Variants in FAM170B observed in about 807,000 individuals in gnomAD.
FAM170B encodes the protein family with sequence similarity 170 member B.
In FAM170B, 4 loss-of-function variants were observed where a neutral mutation model predicts 3.9. The observed-to-expected ratio is 1.01, with a 90% CI of 0.50 to 2.32. The LOEUF is 2.32. FAM170B is among the 30% of genes most tolerant of loss of function. The pLI, the probability that FAM170B is intolerant of heterozygous loss-of-function variation, is 0.02. For missense variants in FAM170B, 417 were observed against 368.6 expected, an observed-to-expected ratio of 1.13 and a Z score of -1.07; for synonymous variants, 163 against 149.8, an observed-to-expected ratio of 1.09 and a Z score of -0.64.
Position 49,132,012 on chromosome 10 carries a change from G to A in FAM170B, c.453C>T (p.Gly151=). The part of the protein sequence containing the change: ...AQFIKRQRWN[G]SSFEMASNTD... ...TGTTGGAAGCCATTTCGAAGGAGGAGCCGTTCCACCTCTGCCTCTTGATGA... is the reference window on the plus strand; with the variant it reads ...TGTTGGAAGCCATTTCGAAGGAGGAACCGTTCCACCTCTGCCTCTTGATGA... Residue 151 remains glycine (G), a synonymous_variant, in exon 2 of 2, where the codon GGC becomes GGT. Coordinates refer to ENST00000311787, the MANE Select transcript of FAM170B (RefSeq NM_001164484.2). 6.4e-7 allele frequency: 1 copy of A among 1,551,762 alleles called. No homozygotes were observed. Among genetic ancestry groups the A allele is most frequent in the Non-Finnish European group, 8.7e-7 (1 of 1,147,006 alleles).
At position 49,133,990 on chromosome 10, in the gene FAM170B, G is replaced by A. The variant is rs1163605020; in HGVS notation, c.-72C>T. 15 of 1,233,646 alleles carry A rather than the reference G, an allele frequency of 1.2e-5. No homozygotes were observed. The highest frequency in any genetic ancestry group is 3.0e-5 in the African/African-American group (2 of 67,162). The allele number at this position is 1,233,646 out of a possible 1,614,324, so 76.4% of individuals were successfully genotyped here. ...AGAGTTGGCTGGGGCTGTACTGAAG[G>A]CCTCCAGCTGGCCCCAGCCAGAGTG... On this transcript the variant is annotated 5_prime_UTR_variant, in exon 1 of 2. Transcript: ENST00000311787.
Position 49,132,115 on chromosome 10 carries a change from C to T in FAM170B, c.350G>A (p.Arg117Gln), listed in dbSNP as rs770904612. ...CGTCTCCCAGGCCACAGCCACACCC[C>T]GCACAGTCTGCACGTGCGTGTAGAA... Reference protein sequence around the residue: ...CAFYTHVQTVRGVAVAWETEA... With the variant: ...CAFYTHVQTVQGVAVAWETEA... The change falls in exon 2 of 2, where the codon CGG (arginine) becomes CAG (glutamine). Residue 117 changes from arginine to glutamine, a missense_variant. Physicochemically the swap from Arg to Gln is conservative, Grantham distance 43. Coordinates refer to ENST00000311787, the MANE Select transcript of FAM170B (RefSeq NM_001164484.2). 2.6e-6 allele frequency: 4 copies of T among 1,551,674 alleles called. No individual in the cohort carries two copies. Among genetic ancestry groups the T allele is most frequent in the African/African-American group, 1.4e-5 (1 of 73,072 alleles).
Position 49,132,341 on chromosome 10 carries a change from T to C in FAM170B, c.124A>G (p.Arg42Gly), listed in dbSNP as rs914315312. ...CCCGGCCGTGGGGACGACCCTTCTC[T>C]CTGTATAGTCCCTGAGAAGCAGAAG... The part of the protein sequence containing the change: ...VEVFWPGTIQ[R>G]EGSSPRPGPA... The change falls in exon 2 of 2, where the codon AGA becomes GGA. Residue 42 changes from arginine to glycine, a missense_variant. Arg to Gly is a moderately radical substitution (Grantham distance 125, BLOSUM62 -2). Transcript: ENST00000311787. The C allele has an allele frequency of 4.7e-5, 72 of 1,544,264 alleles. No individual in the cohort carries two copies. Among genetic ancestry groups the C allele is most frequent in the Non-Finnish European group, 5.9e-5 (68 of 1,144,504 alleles).
At position 49,132,145 on chromosome 10, in the gene FAM170B, C is replaced by T. The variant is rs41280539; in HGVS notation, c.320G>A (p.Cys107Tyr). ...DEDNAAPQSVCAFYTHVQTVR... is the reference protein window; with the variant it reads ...DEDNAAPQSVYAFYTHVQTVR... ...AGTCTGCACGTGCGTGTAGAAGGCA[C>T]ACACACTCTGCGGAGCAGCATTGTC... Residue 107 changes from cysteine (C) to tyrosine (Y), a missense_variant, in exon 2 of 2, where the codon TGT (cysteine) becomes TAT (tyrosine). Cys to Tyr is a radical substitution (Grantham distance 194). Coordinates refer to ENST00000311787, the MANE Select transcript of FAM170B (RefSeq NM_001164484.2). The T allele has an allele frequency of 9.8e-3, 15,164 of 1,551,780 alleles. 680 individuals are homozygous for T. In the South Asian group the frequency reaches 0.12, roughly 12 times the overall value.
At position 49,131,356 on chromosome 10, in the gene FAM170B, A is replaced by G; in HGVS notation, c.*257T>C. 2.2e-6 allele frequency: 1 copy of G among 449,292 alleles called. No individual in the cohort carries two copies. The highest frequency in any genetic ancestry group is 3.9e-6 in the Non-Finnish European group (1 of 257,786). The allele number at this position is 449,292 out of a possible 1,614,324, so 27.8% of individuals were successfully genotyped here. A position where few individuals can be genotyped will look rare whatever the true frequency, so the allele number is the denominator to read the frequency against. The stretch of plus-strand genomic sequence containing the variant: ...CTGGCCATGCGTTTGTGGGTTTCAG[A>G]TGTTGTGCCTGCCATCAGAAACACT... On this transcript the variant is annotated 3_prime_UTR_variant, in exon 2 of 2. Transcript: ENST00000311787.
Position 49,131,571 on chromosome 10 carries a change from G to C in FAM170B, c.*42C>G. ...GCTGGCTGGGGAAGGAGCAGTCCCA[G>C]GCCCTGGAGGTGAGGGCAGGGTTGG... is the stretch of plus-strand genomic sequence containing the variant. On this transcript the variant is annotated 3_prime_UTR_variant, in exon 2 of 2. Coordinates refer to ENST00000311787, the MANE Select transcript of FAM170B (RefSeq NM_001164484.2). The C allele has an allele frequency of 6.6e-7, 1 of 1,514,408 alleles. No homozygotes were observed. The allele number at this position is 1,514,408 out of a possible 1,614,324, so 93.8% of individuals were successfully genotyped here. A position where few individuals can be genotyped will look rare whatever the true frequency, so the allele number is the denominator to read the frequency against.
Position 49,132,132 on chromosome 10 carries a change from CGTGTAGAA to C in FAM170B, c.325_332del (p.Phe109AlafsTer29). 7 of 1,551,740 alleles carry C rather than the reference CGTGTAGAA, an allele frequency of 4.5e-6. No homozygotes were observed. The highest frequency in any genetic ancestry group is 6.1e-6 in the Non-Finnish European group (7 of 1,146,976). On this transcript the variant is annotated frameshift_variant, in exon 2 of 2. Transcript: ENST00000311787. LOFTEE classifies it low-confidence loss of function (END_TRUNC). The stretch of plus-strand genomic sequence containing the variant: ...CCACACCCCGCACAGTCTGCACGTG[CGTGTAGAA>C]GGCACACACACTCTGCGGAGCAGCA...
At position 49,131,643 on chromosome 10, in the gene FAM170B, C is replaced by A; in HGVS notation, c.822G>T (p.Val274=). ...NSECSRPQGE[V]LSAQQQEKQ ...GCTTCTCCTGCTGCTGTGCTGAGAG[C>A]ACCTCACCCTGGGGCCGGGAACATT... Residue 274 remains valine (V), a synonymous_variant, in exon 2 of 2, where the codon GTG becomes GTT. Transcript: ENST00000311787. The A allele has an allele frequency of 6.4e-7, 1 of 1,551,702 alleles. No individual in the cohort carries two copies. The highest frequency in any genetic ancestry group is 8.7e-7 in the Non-Finnish European group (1 of 1,146,986).
chr10:49,133,673 C>T (rs1845214009), intron 1 of FAM170B, 134 bp downstream of exon 1: 3 of 676,748 alleles, frequency 4.4e-6, no homozygotes, highest in Non-Finnish European at 5.2e-6. Flanking sequence ...CCTTTCCCTC[C>T]ACATCTATGT....
At chr10:49,132,396 C>A in intron 1 of FAM170B, 44 bp from the exon 2 acceptor site, 1 of 1,475,826 alleles carries the variant, frequency 6.8e-7, no homozygotes, top group Non-Finnish European at 9.0e-7. Context: ...TTTAAGGGAT[C>A]AATGCCACAT....
intron 1 of FAM170B, among the ~76,000 whole-genome samples, chr10:49,132,882 T>C (rs1845206599): frequency 1.3e-5 from 2 of 151,956 alleles, no homozygotes; most frequent in South Asian, 4.1e-4. Flanking sequence ...TATGATTTTA[T>C]TCAGATGACA....
In FAM170B at chr10:49,131,540, G is replaced by C. The variant is rs566174228; in HGVS notation, c.*73C>G. 27 of 1,474,800 alleles carry C rather than the reference G, an allele frequency of 1.8e-5. No individual in the cohort carries two copies. Among genetic ancestry groups the C allele is most frequent in the Non-Finnish European group, 2.3e-5 (25 of 1,109,876 alleles). The allele number at this position is 1,474,800 out of a possible 1,614,324, so 91.4% of individuals were successfully genotyped here. ...CCTCTCTCCCTGCCCTAGTGGCTCT[G>C]ATACTGCTGGCTGGGGAAGGAGCAG... On this transcript the variant is annotated 3_prime_UTR_variant, in exon 2 of 2. Coordinates refer to ENST00000311787, the MANE Select transcript of FAM170B (RefSeq NM_001164484.2).
At chr10:49,132,398 A>G (rs1209461566) in intron 1 of FAM170B, 46 bp from the exon 2 acceptor site, 15 of 1,471,274 alleles carry the variant, frequency 1.0e-5, no homozygotes, top group African/African-American at 1.4e-5. Context: ...TAAGGGATCA[A>G]TGCCACATCT....
Position 49,131,775 on chromosome 10 carries a change from GC to G in FAM170B, c.689del (p.Gly230AlafsTer132). On this transcript the variant is annotated frameshift_variant, in exon 2 of 2. Coordinates refer to ENST00000311787, the MANE Select transcript of FAM170B (RefSeq NM_001164484.2). LOFTEE classifies it low-confidence loss of function (END_TRUNC). ...LEHAQHGIREGFSCQIFFEEM... is the reference protein window; with the variant it reads ...LEHAQHGIREXFSCQIFFEEM... Reference sequence around the variant, plus strand: ...CCTCAAAAAAGATCTGACAGCTGAAGCCCTCCCGGATGCCATGCTGGGCGTG... The same window carrying G: ...CCTCAAAAAAGATCTGACAGCTGAAGCCTCCCGGATGCCATGCTGGGCGTG... 1 of 1,551,134 alleles carries G rather than the reference GC, an allele frequency of 6.4e-7. No homozygotes were observed. The highest frequency in any genetic ancestry group is 8.7e-7 in the Non-Finnish European group (1 of 1,147,000).
At chr10:49,133,560 C>A (rs1472802853) in intron 1 of FAM170B, among the ~76,000 whole-genome samples, 1 of 152,214 alleles carries the variant, frequency 6.6e-6, no homozygotes, top group Non-Finnish European at 1.5e-5. Flanking sequence ...AAAATAAATA[C>A]ATAATTATAA....
At position 49,131,646 on chromosome 10, in the gene FAM170B, C is replaced by G. The variant is rs1845182546; in HGVS notation, c.819G>C (p.Glu273Asp). 1.9e-5 allele frequency: 30 copies of G among 1,551,610 alleles called. No homozygotes were observed. The highest frequency in any genetic ancestry group is 2.6e-5 in the Non-Finnish European group (30 of 1,147,004). Reference sequence around the variant, plus strand: ...TCTCCTGCTGCTGTGCTGAGAGCACCTCACCCTGGGGCCGGGAACATTCGC... The same window carrying G: ...TCTCCTGCTGCTGTGCTGAGAGCACGTCACCCTGGGGCCGGGAACATTCGC... ...DNSECSRPQG[E>D]VLSAQQQEKQ Residue 273 changes from glutamate (E) to aspartate (D), a missense_variant, in exon 2 of 2, where the codon GAG becomes GAC. Coordinates refer to ENST00000311787, the MANE Select transcript of FAM170B (RefSeq NM_001164484.2).
Position 49,131,689 on chromosome 10 carries a change from T to C in FAM170B, c.776A>G (p.Gln259Arg), listed in dbSNP as rs775729399. Residue 259 changes from glutamine to arginine, a missense_variant, in exon 2 of 2, where the codon CAG (glutamine) becomes CGG (arginine). Coordinates refer to ENST00000311787, the MANE Select transcript of FAM170B (RefSeq NM_001164484.2). The stretch of plus-strand genomic sequence containing the variant: ...ACATTCGCTGTTGTCTGAAGGACTC[T>C]GCTCCTCCTCCAGCTGTTGGTCATG... ...QAHDQQLEEE[Q>R]SPSDNSECSR... 1 of 1,551,792 alleles carries C rather than the reference T, an allele frequency of 6.4e-7. No homozygotes were observed. The highest frequency in any genetic ancestry group is 8.7e-7 in the Non-Finnish European group (1 of 1,147,012).
rs780131272 is a variant in FAM170B at position 49,131,887 on chromosome 10, G to A, written c.578C>T (p.Pro193Leu). 7.1e-6 allele frequency: 11 copies of A among 1,546,768 alleles called. No individual in the cohort carries two copies. The highest frequency in any genetic ancestry group is 9.6e-6 in the Non-Finnish European group (11 of 1,146,892). The stretch of plus-strand genomic sequence containing the variant: ...GTTGGTGGTGACCAGCCAGTCCGGC[G>A]GCTCCCGCAGCTCCTGCAGGCAGCA... ...LECCLQELRE[P>L]PDWLVTTNYG... Residue 193 changes from proline to leucine, a missense_variant, in exon 2 of 2, where the codon CCG (proline) becomes CTG (leucine). Transcript: ENST00000311787.
At chr10:49,132,869 G>A (rs949758425) in intron 1 of FAM170B, among the ~76,000 whole-genome samples, 9 of 151,496 alleles carry the variant, frequency 5.9e-5, no homozygotes, top group African/African-American at 1.7e-4. Flanking sequence ...AGTCCATGTC[G>A]TATATGATTT....
Sources: gnomAD v4.1 joint callset for allele counts (sites outside exome capture counted in the v4.1 genomes callset) on GRCh38, gnomAD v4.1.1 for gene constraint, MANE v1.5 for transcripts, NCBI Gene and HGNC (gene_info 2026-07-23, HGNC 2026-07-21) for gene names.